The following CDH13 variants were observed in gnomAD, a reference collection of about 807,000 sequenced individuals.
The protein encoded by CDH13 is cadherin 13, also known as cadherin-13.
Under a neutral mutation model 63.8 loss-of-function variants are expected in CDH13, and 24 were observed. The ratio of observed to expected loss-of-function variants is 0.38; its 90% CI spans 0.27 to 0.53. CDH13 has a LOEUF of 0.53. CDH13 is among the 20% of genes least tolerant of loss of function. CDH13 has a pLI of 0.85. For missense variants in CDH13, 1,049 were observed against 903.1 expected (o/e 1.16, Z -2.07); for synonymous variants, 503 against 355.3 (o/e 1.42, Z -4.67).
chr16:83,384,047 C>A lies in CDH13; in HGVS notation c.781+39041C>A, dbSNP rs1292114074. Among the ~76,000 whole-genome samples, 7 of 152,158 alleles carry A rather than the reference C, an allele frequency of 4.6e-5. 1 individual carries two copies. The South Asian group carries it at 1.5e-3, about 32-fold the overall frequency. On this transcript the variant is annotated intron_variant, in intron 6 of 13. Transcript: ENST00000567109. The stretch of plus-strand genomic sequence containing the variant: ...ATCTATATGTACTCATTTATACATG[C>A]TTGCACATATGTCTACAACTACTGT...
intron 6 of CDH13, among the ~76,000 whole-genome samples, chr16:83,404,907 C>G (rs535401697): frequency 3.4e-4 from 52 of 152,198 alleles, no homozygotes; most frequent in African/African-American, 1.2e-3. Context: ...TATGGATGAA[C>G]CATAATCCTC....
chr16:83,290,745 C>T (rs1432610720), intron 5 of CDH13, among the ~76,000 whole-genome samples: 6 of 152,146 alleles, frequency 3.9e-5, no homozygotes, highest in African/African-American at 1.4e-4. Context: ...GGGCCTTTCT[C>T]GGGCTCCAAG....
At chr16:83,684,990 C>T (rs143086639) in intron 10 of CDH13, among the ~76,000 whole-genome samples, 27 of 152,284 alleles carry the variant, frequency 1.8e-4, no homozygotes, top group African/African-American at 5.8e-4. Flanking sequence ...TATTTTACCA[C>T]GTCTAGGCTG....
At chr16:83,487,765 G>A (rs7201978) in intron 7 of CDH13, among the ~76,000 whole-genome samples, 74,342 of 152,008 alleles carry the variant, frequency 0.49, 18,985 homozygotes, top group East Asian at 0.83. Context: ...GGCTTCCCTC[G>A]GGGGCTCTGT....
chr16:82,645,813 A>G (rs1336351668), intron 1 of CDH13, among the ~76,000 whole-genome samples: 1 of 152,248 alleles, frequency 6.6e-6, no homozygotes, highest in East Asian at 1.9e-4. Flanking sequence ...TCATTAATTT[A>G]TGAAGAAACC....
intron 2 of CDH13, among the ~76,000 whole-genome samples, chr16:82,909,612 G>C (rs1287975336): frequency 6.6e-6 from 1 of 152,104 alleles, no homozygotes; most frequent in African/African-American, 2.4e-5. Flanking sequence ...CACATCTTTT[G>C]TGGTGGCAGG....
intron 6 of CDH13, among the ~76,000 whole-genome samples, chr16:83,358,354 G>T (rs1436117281): frequency 6.6e-6 from 1 of 152,146 alleles, no homozygotes; most frequent in African/African-American, 2.4e-5. Flanking sequence ...TAGAACTCAA[G>T]CAGCCACCTT....
chr16:82,639,248 A>G (rs1055336559), intron 1 of CDH13: 2 of 578,830 alleles, frequency 3.5e-6, no homozygotes, highest in East Asian at 6.0e-5. Context: ...TAGTCTCTCA[A>G]AGTGGGTCTG....
At chr16:83,498,059 A>G (rs576193642) in intron 7 of CDH13, among the ~76,000 whole-genome samples, 23 of 152,360 alleles carry the variant, frequency 1.5e-4, no homozygotes, top group African/African-American at 5.3e-4. Flanking sequence ...TTTAAAAAGC[A>G]GTCCAACAGA....
chr16:83,024,577 A>C (rs1309681319), intron 2 of CDH13, among the ~76,000 whole-genome samples: 2 of 152,192 alleles, frequency 1.3e-5, no homozygotes, highest in Non-Finnish European at 2.9e-5. Flanking sequence ...CGGATAACTC[A>C]TGCAACCTCA....
At chr16:83,319,712 A>C (rs149790725) in intron 5 of CDH13, among the ~76,000 whole-genome samples, 2 of 152,130 alleles carry the variant, frequency 1.3e-5, no homozygotes, top group Non-Finnish European at 2.9e-5. Context: ...ACGGAGAAGG[A>C]AAAAAATATG....
At chr16:82,729,267 T>C (rs187190391) in intron 1 of CDH13, among the ~76,000 whole-genome samples, 3 of 152,314 alleles carry the variant, frequency 2.0e-5, no homozygotes, top group African/African-American at 7.2e-5. Context: ...TTCAGTTCAC[T>C]TTGCCCCGAT....
rs1018283357 is a variant in CDH13, at chr16:83,364,446, A to T, written c.781+19440A>T. Among the ~76,000 whole-genome samples, 10 of 152,358 alleles carry T rather than the reference A, an allele frequency of 6.6e-5. No homozygotes were observed. In the East Asian group the frequency reaches 1.7e-3, roughly 26 times the overall value. On this transcript the variant is annotated intron_variant, in intron 6 of 13. Transcript: ENST00000567109. ...GAAATAGATAAAGGAGTTCTCATTT[A>T]CAGATAAGGACCTGAACCTAGTACA... is the stretch of plus-strand genomic sequence containing the variant.
At position 82,774,499 on chromosome 16, in the gene CDH13, T is replaced by C. The variant is rs145074669; in HGVS notation, c.46-83863T>C. On this transcript the variant is annotated intron_variant, in intron 1 of 13. Coordinates refer to ENST00000567109, the MANE Select transcript of CDH13 (RefSeq NM_001257.5). The stretch of plus-strand genomic sequence containing the variant: ...CCTAGTGTCAGGGTCTACCACTGTG[T>C]ATTCTTTAGGAGGTTTCAATCTTGA... 3.3e-3 allele frequency among the ~76,000 whole-genome samples: 508 copies of C among 152,334 alleles called. 1 individual carries two copies. Among genetic ancestry groups the C allele is most frequent in the Admixed American group, 4.6e-3 (70 of 15,298 alleles).
Position 83,148,346 on chromosome 16 carries a change from A to G in CDH13, c.483+22845A>G, listed in dbSNP as rs1374051541. Among the ~76,000 whole-genome samples the G allele has an allele frequency of 2.0e-5, 3 of 149,608 alleles. No homozygotes were observed. In the East Asian group the frequency reaches 5.8e-4, roughly 29 times the overall value. ...TGTAGACAACATGGGTACCATGTAG[A>G]CAACATGTAGACAACATGGGTGGTG... is the stretch of plus-strand genomic sequence containing the variant. On this transcript the variant is annotated intron_variant, in intron 4 of 13. Transcript: ENST00000567109.
In CDH13 at chr16:82,778,004, C is replaced by T. The variant is rs572413622; in HGVS notation, c.46-80358C>T. On this transcript the variant is annotated intron_variant, in intron 1 of 13. Coordinates refer to ENST00000567109, the MANE Select transcript of CDH13 (RefSeq NM_001257.5). The stretch of plus-strand genomic sequence containing the variant: ...TTTGATAACAGTCATAGAAGAGATG[C>T]CCTGACACTTTTGTTGCCTTCTATG... 2.6e-5 allele frequency among the ~76,000 whole-genome samples: 4 copies of T among 152,260 alleles called. No individual in the cohort carries two copies. The East Asian group carries it at 5.8e-4, about 22-fold the overall frequency.
chr16:83,063,161 C>T (rs1283247482), intron 3 of CDH13, among the ~76,000 whole-genome samples: 1 of 152,028 alleles, frequency 6.6e-6, no homozygotes, highest in African/African-American at 2.4e-5. Context: ...AGGGTTTCAC[C>T]ATGTTGGCCA....
chr16:82,957,181 A>G (rs61107372), intron 2 of CDH13, among the ~76,000 whole-genome samples: 3,293 of 152,306 alleles, frequency 0.022, 117 homozygotes, highest in African/African-American at 0.075. Context: ...ACACAAGTGG[A>G]AAGTTGCATC....
At chr16:82,906,465 C>T (rs116719944) in intron 2 of CDH13, among the ~76,000 whole-genome samples, 2,173 of 152,172 alleles carry the variant, frequency 0.014, 46 homozygotes, top group African/African-American at 0.049. Context: ...CTTCCATGTC[C>T]TAAAAGAATA....
Sources: allele counts gnomAD v4.1 joint callset (sites outside exome capture counted in the v4.1 genomes callset), GRCh38; gene constraint gnomAD v4.1.1; transcripts MANE v1.5; gene names NCBI Gene and HGNC (gene_info 2026-07-23, HGNC 2026-07-21).